GLDC: variants seen among roughly 807,000 people sequenced by gnomAD.
GLDC encodes glycine decarboxylase.
GLDC carries 104 observed loss-of-function variants against 121.3 expected under a neutral mutation model. That is an observed-to-expected ratio of 0.86 (90% CI 0.73 to 1.01). The LOEUF (loss-of-function observed/expected upper bound fraction) is 1.01. GLDC is among the 50% of genes least tolerant of loss of function. GLDC has a pLI of 0.00. For missense variants in GLDC, 1,429 were observed against 1,306.6 expected, an observed-to-expected ratio of 1.09 and a Z score of -1.44; for synonymous variants, 546 against 480.6, an observed-to-expected ratio of 1.14 and a Z score of -1.78.
At chr9:6,627,472 C>T (rs1055223201) in intron 2 of GLDC, among the ~76,000 whole-genome samples, 2 of 152,032 alleles carry the variant, frequency 1.3e-5, no homozygotes, top group Non-Finnish European at 2.9e-5. Context: ...GTGGACTCTG[C>T]CCCTATCCAG....
Position 6,572,954 on chromosome 9 carries a change from C to T in GLDC, c.1851-7525G>A, listed in dbSNP as rs560200903. Among the ~76,000 whole-genome samples the T allele has an allele frequency of 4.6e-5, 7 of 152,304 alleles. No individual in the cohort carries two copies. The South Asian group carries it at 1.0e-3, about 23-fold the overall frequency. ...TCTCACAAACAGGTATTTCCTGCAG[C>T]CACCCGGGAGTTTCTCTCACCTCTA... On this transcript the variant is annotated intron_variant, in intron 15 of 24. Coordinates refer to ENST00000321612, the MANE Select transcript of GLDC (RefSeq NM_000170.3).
chr9:6,561,403 C>A (rs183099523), intron 16 of GLDC, among the ~76,000 whole-genome samples: 11 of 152,264 alleles, frequency 7.2e-5, no homozygotes, highest in Admixed American at 7.2e-4. Context: ...AATCCCAGCA[C>A]TTTGGGAGGC....
At chr9:6,540,231 G>A in intron 21 of GLDC, 85 bp from the exon 22 acceptor site, 1 of 895,452 alleles carries the variant, frequency 1.1e-6, no homozygotes, top group Admixed American at 1.7e-5. Flanking sequence ...TAATAAATAA[G>A]TGCATCAGCT....
intron 15 of GLDC, among the ~76,000 whole-genome samples, chr9:6,584,193 G>C (rs1343205665): frequency 6.6e-6 from 1 of 152,180 alleles, no homozygotes; most frequent in Admixed American, 6.5e-5. Flanking sequence ...GAACTCTACA[G>C]ACACATTGAC....
intron 17 of GLDC, chr9:6,557,990 C>G (rs1168258736): frequency 5.0e-6 from 1 of 199,496 alleles, no homozygotes; most frequent in Non-Finnish European, 1.0e-5. Flanking sequence ...CCTAATAACA[C>G]CACCATCAAA....
chr9:6,553,514 A>T lies in GLDC; in HGVS notation c.2316-5T>A, dbSNP rs1563834490. ...AACGGGGCGAGATGTTTCTTCCTGT[A>T]TTTTTTTTAAGTGCAAATTCAGAAA... On this transcript the variant is annotated splice_polypyrimidine_tract_variant and splice_region_variant and intron_variant, in intron 19 of 24. Transcript: ENST00000321612. 1 of 1,601,908 alleles carries T rather than the reference A, an allele frequency of 6.2e-7. No homozygotes were observed. Among genetic ancestry groups the T allele is most frequent in the Non-Finnish European group, 8.6e-7 (1 of 1,169,562 alleles).
At chr9:6,630,078 C>T (rs117299390) in intron 2 of GLDC, among the ~76,000 whole-genome samples, 1 of 150,524 alleles carries the variant, frequency 6.6e-6, no homozygotes, top group Admixed American at 6.6e-5. Flanking sequence ...GCATGAGCCA[C>T]CCCACCTGGT....
chr9:6,622,582 C>A (rs565785096), intron 2 of GLDC, among the ~76,000 whole-genome samples: 2 of 152,096 alleles, frequency 1.3e-5, no homozygotes, highest in African/African-American at 2.4e-5. Context: ...GGCGTGATCT[C>A]GGCTCGCTAC....
At chr9:6,550,673 C>T (rs553504657) in intron 21 of GLDC, 130 bp downstream of exon 21, 7 of 743,174 alleles carry the variant, frequency 9.4e-6, no homozygotes, top group African/African-American at 7.0e-5. Flanking sequence ...TTTCCAAGAA[C>T]TCTACACTAT....
intron 2 of GLDC, among the ~76,000 whole-genome samples, chr9:6,630,789 G>A (rs1386338316): frequency 6.6e-6 from 1 of 152,076 alleles, no homozygotes; most frequent in Non-Finnish European, 1.5e-5. Flanking sequence ...GTCAGAATTT[G>A]GAAGCAGATT....
intron 5 of GLDC, among the ~76,000 whole-genome samples, chr9:6,606,309 CAAAAA>C (rs56758871): frequency 1.9e-4 from 17 of 90,076 alleles, no homozygotes; most frequent in Admixed American, 3.4e-4. Context: ...GACTCCGTCT[CAAAAA>C]AAAAAAAAAA....
intron 15 of GLDC, among the ~76,000 whole-genome samples, chr9:6,581,306 A>G (rs1228301093): frequency 6.6e-6 from 1 of 152,218 alleles, no homozygotes; most frequent in Non-Finnish European, 1.5e-5. Context: ...CTAGGATCCC[A>G]TACAGTGATG....
At chr9:6,625,845 G>C (rs1819225732) in intron 2 of GLDC, among the ~76,000 whole-genome samples, 1 of 151,452 alleles carries the variant, frequency 6.6e-6, no homozygotes, top group Non-Finnish European at 1.5e-5. Context: ...GGAGTAGATA[G>C]GATCTCACCC....
chr9:6,636,257 T>G (rs1489626470), intron 2 of GLDC, among the ~76,000 whole-genome samples: 1 of 150,452 alleles, frequency 6.6e-6, no homozygotes, highest in African/African-American at 2.5e-5. Flanking sequence ...TGATCTGAGA[T>G]CGTGCCACTG....
rs563566955 is a variant in GLDC, at chr9:6,615,043, G to C, written c.471-4687C>G. 3.3e-4 allele frequency among the ~76,000 whole-genome samples: 50 copies of C among 152,320 alleles called. 1 individual carries two copies. In the East Asian group the frequency reaches 8.5e-3, roughly 26 times the overall value. On this transcript the variant is annotated intron_variant, in intron 3 of 24. Transcript: ENST00000321612. Reference sequence around the variant, plus strand: ...ACCAAAATATCACTACGCAGGGCATGAGTGTACTTGTGAACTGGGATAAAT... The same window carrying C: ...ACCAAAATATCACTACGCAGGGCATCAGTGTACTTGTGAACTGGGATAAAT...
chr9:6,560,339 G>T (rs971947578), intron 16 of GLDC, among the ~76,000 whole-genome samples: 1 of 152,192 alleles, frequency 6.6e-6, no homozygotes, highest in African/African-American at 2.4e-5. Context: ...AAATAAACGT[G>T]TACAAAAAGA....
intron 8 of GLDC, among the ~76,000 whole-genome samples, chr9:6,597,402 A>C (rs1818511711): frequency 6.6e-6 from 1 of 152,184 alleles, no homozygotes; most frequent in Non-Finnish European, 1.5e-5. Context: ...AAAGCTAATA[A>C]AGTGTAAATT....
intron 3 of GLDC, among the ~76,000 whole-genome samples, chr9:6,614,113 G>A (rs1356989142): frequency 2.6e-5 from 4 of 152,106 alleles, no homozygotes; most frequent in African/African-American, 7.2e-5. Context: ...GGCTCCCAGA[G>A]CATAGTACCA....
intron 21 of GLDC, among the ~76,000 whole-genome samples, chr9:6,548,829 T>C (rs978202542): frequency 1.3e-5 from 2 of 152,138 alleles, no homozygotes; most frequent in East Asian, 3.8e-4. Flanking sequence ...TGTTCCCCCA[T>C]CTGTTTTTCT....
Sources: allele counts gnomAD v4.1 joint callset (sites outside exome capture counted in the v4.1 genomes callset), GRCh38; gene constraint gnomAD v4.1.1; transcripts MANE v1.5; gene names NCBI Gene and HGNC (gene_info 2026-07-23, HGNC 2026-07-21).